The following NUTM2E variants were observed in gnomAD, a reference collection of about 807,000 sequenced individuals.
NUTM2E encodes NUT family member 2E, also known as family with sequence similarity 22, member E.
Under a neutral mutation model 26.1 loss-of-function variants are expected in NUTM2E, and 3 were observed. That is an observed-to-expected ratio of 0.12 (90% CI 0.05 to 0.30). The LOEUF is 0.30. Among genes scored for constraint, NUTM2E ranks in the 10% least tolerant of loss-of-function variants. NUTM2E has a pLI of 1.00. For synonymous variants in NUTM2E, 13 were observed against 157.5 expected (o/e 0.08, Z 6.87); for missense variants, 62 against 381.3 (o/e 0.16, Z 6.97).
intron 1 of NUTM2E, among the ~76,000 whole-genome samples, chr10:79,834,842 A>G (rs938876584): frequency 2.0e-5 from 3 of 150,646 alleles, no homozygotes; most frequent in African/African-American, 7.3e-5. Context: ...ACACACACAC[A>G]CAAACACACA....
chr10:79,827,599 CAT>C (rs1841893934), intron 1 of NUTM2E: 1 of 148,364 alleles, frequency 6.7e-6, no homozygotes, highest in Non-Finnish European at 1.5e-5. Context: ...GGAGTGTAAA[CAT>C]ATACATCATC....
intron 1 of NUTM2E, among the ~76,000 whole-genome samples, chr10:79,835,071 G>T (rs1321477022): frequency 6.7e-6 from 1 of 149,888 alleles, no homozygotes; most frequent in Non-Finnish European, 1.5e-5. Flanking sequence ...GACTGGCAGA[G>T]CCTGAAATGA....
intron 1 of NUTM2E, among the ~76,000 whole-genome samples, chr10:79,833,706 AAAC>A (rs1841942986): frequency 6.6e-6 from 1 of 151,834 alleles, no homozygotes; most frequent in Non-Finnish European, 1.5e-5. Context: ...AAAACTCAGG[AAAC>A]AACAGATGCC....
chr10:79,834,835 CACACACACAA>C (rs1433861522), intron 1 of NUTM2E, among the ~76,000 whole-genome samples: 4 of 151,028 alleles, frequency 2.6e-5, no homozygotes, highest in Non-Finnish European at 5.9e-5. Flanking sequence ...CACACACACA[CACACACACAA>C]ACACACAAAC....
rs1316168372 is a variant in NUTM2E at position 79,838,926 on chromosome 10, C to T, written c.-2303C>T. 6.7e-6 allele frequency among the ~76,000 whole-genome samples: 1 copy of T among 149,372 alleles called. No homozygotes were observed. On this transcript the variant is annotated 5_prime_UTR_variant, in exon 3 of 10. Transcript: ENST00000429984. ...GGCCTCGCGCTGGAACCTCGCCCGC[C>T]TCAAGGCTCCTGCGGCGGCGCACAG...
intron 2 of NUTM2E, among the ~76,000 whole-genome samples, 92 bp downstream of exon 2, chr10:79,838,678 C>T (rs1190131542): frequency 2.0e-5 from 3 of 151,774 alleles, no homozygotes; most frequent in Non-Finnish European, 2.9e-5. Context: ...AGCCACAGGC[C>T]TGCTCTGGTC....
At chr10:79,836,220 G>T (rs1385559479) in intron 1 of NUTM2E, among the ~76,000 whole-genome samples, 1 of 151,652 alleles carries the variant, frequency 6.6e-6, no homozygotes, top group Non-Finnish European at 1.5e-5. Flanking sequence ...CAGACCATAT[G>T]GTAATTTTGA....
chr10:79,828,546 G>A (rs1001351323), intron 1 of NUTM2E, among the ~76,000 whole-genome samples: 1 of 151,838 alleles, frequency 6.6e-6, no homozygotes, highest in Non-Finnish European at 1.5e-5. Context: ...GCTTGGGACT[G>A]TTAACAGCCC....
At chr10:79,828,776 A>G (rs1387008901) in intron 1 of NUTM2E, among the ~76,000 whole-genome samples, 1 of 151,814 alleles carries the variant, frequency 6.6e-6, no homozygotes. Context: ...TTTCATTTCT[A>G]ATACTGGCTG....
intron 1 of NUTM2E, among the ~76,000 whole-genome samples, 138 bp from the exon 2 acceptor site, chr10:79,838,171 C>T (rs1392029893): frequency 3.4e-5 from 5 of 148,966 alleles, no homozygotes; most frequent in African/African-American, 1.2e-4. Context: ...TTTATTATGT[C>T]TTTATTTGTA....
chr10:79,845,427 C>G (rs1842018003), intron 5 of NUTM2E, among the ~76,000 whole-genome samples: 1 of 111,926 alleles, frequency 8.9e-6, no homozygotes, highest in African/African-American at 2.8e-5. Context: ...TCAATCCCTC[C>G]TAGAAAAAGG....
intron 1 of NUTM2E, among the ~76,000 whole-genome samples, chr10:79,835,351 T>G (rs552511050): frequency 2.6e-4 from 40 of 151,164 alleles, no homozygotes; most frequent in African/African-American, 9.2e-4. Flanking sequence ...ATAAATTGCT[T>G]TGGGTATTCA....
rs1185903383 is a variant in NUTM2E at position 79,827,132 on chromosome 10, C to G, written c.-2953C>G. 1 of 152,800 alleles carries G rather than the reference C, an allele frequency of 6.5e-6. No individual in the cohort carries two copies. Among genetic ancestry groups the G allele is most frequent in the South Asian group, 2.1e-4 (1 of 4,782 alleles). The allele number at this position is 152,800 out of a possible 1,614,324, so 9.5% of individuals were successfully genotyped here. ...TGCGAGCCCCTCGCCCCTGGCCGGG[C>G]CAGCCTCTTGATGCACCGGGGACGG... On this transcript the variant is annotated 5_prime_UTR_variant, in exon 1 of 10. Transcript: ENST00000429984.
Position 79,844,657 on chromosome 10 carries a change from G to GC in NUTM2E, c.873dup (p.Ile292HisfsTer31). 2 of 265,780 alleles carry GC rather than the reference G, an allele frequency of 7.5e-6. No individual in the cohort carries two copies. The highest frequency in any genetic ancestry group is 1.4e-5 in the Non-Finnish European group (2 of 140,540). The allele number at this position is 265,780 out of a possible 1,614,324, so 16.5% of individuals were successfully genotyped here. The stretch of plus-strand genomic sequence containing the variant: ...CACCACCACCACCGGCTGCCCAGCT[G>GC]CCCCCCATTGTGTCCCAAGGGAATG... On this transcript the variant is annotated frameshift_variant, in exon 5 of 10. Transcript: ENST00000429984. LOFTEE classifies it high-confidence loss of function.
intron 1 of NUTM2E, among the ~76,000 whole-genome samples, chr10:79,832,723 ATCAT>A (rs1424042265): frequency 9.2e-5 from 14 of 151,800 alleles, no homozygotes; most frequent in Admixed American, 6.6e-4. Flanking sequence ...AATTACAAAA[ATCAT>A]TCAAAGTAAC....
chr10:79,838,743 G>T (rs1477331559), intron 2 of NUTM2E, among the ~76,000 whole-genome samples, 37 bp from the exon 3 acceptor site: 1 of 151,966 alleles, frequency 6.6e-6, no homozygotes, highest in Non-Finnish European at 1.5e-5. Context: ...TGACCAGGAG[G>T]TGATTACCTT....
At chr10:79,831,279 C>CA (rs1375914831) in intron 1 of NUTM2E, among the ~76,000 whole-genome samples, 6 of 151,450 alleles carry the variant, frequency 4.0e-5, no homozygotes, top group African/African-American at 1.5e-4. Flanking sequence ...TACTCTGACT[C>CA]AGTCATTTTA....
intron 1 of NUTM2E, among the ~76,000 whole-genome samples, chr10:79,832,083 A>G (rs1841930785): frequency 1.3e-5 from 2 of 152,160 alleles, no homozygotes; most frequent in African/African-American, 4.8e-5. Flanking sequence ...TCATTCACCA[A>G]CTAATTACTT....
Position 79,839,129 on chromosome 10 carries a change from G to A in NUTM2E, c.-2114+14G>A, listed in dbSNP as rs1436409516. Among the ~76,000 whole-genome samples, 3 of 151,600 alleles carry A rather than the reference G, an allele frequency of 2.0e-5. No homozygotes were observed. Among genetic ancestry groups the A allele is most frequent in the Non-Finnish European group, 4.4e-5 (3 of 67,862 alleles). ...TCCTAATTTTCGGTAATACAAACCT[G>A]CAGTCCATGCACCTAGGTAACACCC... On this transcript the variant is annotated intron_variant, in intron 3 of 9. Transcript: ENST00000429984.
Sources: gnomAD v4.1 joint callset for allele counts (sites outside exome capture counted in the v4.1 genomes callset) on GRCh38, gnomAD v4.1.1 for gene constraint, MANE v1.5 for transcripts, NCBI Gene and HGNC (gene_info 2026-07-23, HGNC 2026-07-21) for gene names.